The following STT3A variants were observed in gnomAD, a reference collection of about 807,000 sequenced individuals.
STT3A encodes STT3 oligosaccharyltransferase complex catalytic subunit A, also known as dolichyl-diphosphooligosaccharide--protein glycosyltransferase subunit STT3A.
A neutral mutation model predicts 89.2 loss-of-function variants in STT3A; 34 were observed. That is an observed-to-expected ratio of 0.38 (90% CI 0.29 to 0.51). STT3A has a LOEUF of 0.51. STT3A is among the 20% of genes least tolerant of loss of function. The pLI, the probability that STT3A is intolerant of heterozygous loss-of-function variation, is 0.89. For synonymous variants in STT3A, 282 were observed against 310.3 expected, an observed-to-expected ratio of 0.91 and a Z score of 0.96; for missense variants, 555 against 889.5, an observed-to-expected ratio of 0.62 and a Z score of 4.78.
chr11:125,605,804 G>T, intron 7 of STT3A, 69 bp downstream of exon 7: 1 of 1,348,130 alleles, frequency 7.4e-7, no homozygotes, highest in Non-Finnish European at 1.0e-6. Flanking sequence ...GGTACTTATT[G>T]TTTGACCAAC....
In STT3A at chr11:125,623,040, C is replaced by CA. The variant is rs1940391650; in HGVS notation, c.*2232dup. On this transcript the variant is annotated 3_prime_UTR_variant, in exon 18 of 18. Transcript: ENST00000392708. ...GAGCAGACATCATGCCACTGCACTC[C>CA]AACCTGGGAGACAGAGCAAGACTGT... 1.5e-5 allele frequency: 2 copies of CA among 132,834 alleles called. No individual in the cohort carries two copies. Among genetic ancestry groups the CA allele is most frequent in the South Asian group, 4.8e-4 (2 of 4,160 alleles). 8.2% of individuals were successfully genotyped at this position (132,834 alleles called of 1,614,324 possible).
intron 12 of STT3A, 70 bp downstream of exon 12, chr11:125,612,817 C>A: frequency 1.3e-6 from 2 of 1,568,872 alleles, no homozygotes; most frequent in Admixed American, 1.8e-5. Flanking sequence ...ATGTGGGCAG[C>A]GGGGGGTGGG....
At chr11:125,619,585 T>G (rs1940286020) in intron 16 of STT3A, among the ~76,000 whole-genome samples, 1 of 152,188 alleles carries the variant, frequency 6.6e-6, no homozygotes, top group African/African-American at 2.4e-5. Context: ...GAGAGTTATT[T>G]GATTAGGTTA....
At chr11:125,606,206 G>T in intron 7 of STT3A, 95 bp from the exon 8 acceptor site, 1 of 1,151,026 alleles carries the variant, frequency 8.7e-7, no homozygotes, top group Non-Finnish European at 1.2e-6. Context: ...TACTATAAGT[G>T]TTCTTTAAAG....
At chr11:125,608,657 G>A (rs764715244) in intron 9 of STT3A, among the ~76,000 whole-genome samples, 7 of 152,178 alleles carry the variant, frequency 4.6e-5, no homozygotes, top group Non-Finnish European at 8.8e-5. Context: ...AAATGCAGAT[G>A]GGTACAGACA....
intron 2 of STT3A, 129 bp from the exon 3 acceptor site, chr11:125,596,930 T>C: frequency 2.0e-6 from 2 of 1,017,626 alleles, no homozygotes; most frequent in Non-Finnish European, 2.9e-6. Flanking sequence ...GGATAAAGAC[T>C]TTATTCAGGG....
At chr11:125,611,315 G>A (rs184532601) in intron 10 of STT3A, 113 bp from the exon 11 acceptor site, 2 of 757,682 alleles carry the variant, frequency 2.6e-6, no homozygotes, top group African/African-American at 1.7e-5. Flanking sequence ...TCCTGGAAGT[G>A]GAATTGCTGG....
intron 3 of STT3A, 114 bp from the exon 4 acceptor site, chr11:125,602,189 A>G: frequency 2.4e-6 from 3 of 1,249,534 alleles, no homozygotes; most frequent in South Asian, 3.0e-5. Flanking sequence ...TTTTCATGGC[A>G]TAATATCTGA....
intron 8 of STT3A, 89 bp from the exon 9 acceptor site, chr11:125,608,020 G>A: frequency 7.2e-7 from 1 of 1,381,918 alleles, no homozygotes; most frequent in Non-Finnish European, 9.6e-7. Flanking sequence ...TGACCATTTG[G>A]TTTGAACTAG....
At chr11:125,618,874 A>G (rs1940258651) in intron 16 of STT3A, among the ~76,000 whole-genome samples, 2 of 151,650 alleles carry the variant, frequency 1.3e-5, no homozygotes, top group Admixed American at 6.6e-5. Flanking sequence ...AGCTGGGACT[A>G]AGGTGCACAC....
At chr11:125,596,065 T>G in intron 2 of STT3A, 62 bp downstream of exon 2, 1 of 1,277,262 alleles carries the variant, frequency 7.8e-7, no homozygotes, top group Non-Finnish European at 1.1e-6. Context: ...TAGAAAAAAA[T>G]TGAAAATCGC....
At chr11:125,596,112 A>G in intron 2 of STT3A, 109 bp downstream of exon 2, 1 of 855,202 alleles carries the variant, frequency 1.2e-6, no homozygotes. Context: ...GCAGATTGTT[A>G]CATTTTTCCA....
chr11:125,597,020 C>T (rs764109996), intron 2 of STT3A, 39 bp from the exon 3 acceptor site: 1 of 1,605,348 alleles, frequency 6.2e-7, no homozygotes, highest in Non-Finnish European at 8.5e-7. Context: ...TCTTTCATGG[C>T]ACATTACCAA....
chr11:125,607,339 A>G (rs1159575303), intron 8 of STT3A, among the ~76,000 whole-genome samples: 1 of 152,262 alleles, frequency 6.6e-6, no homozygotes, highest in Non-Finnish European at 1.5e-5. Context: ...TTATGGGGAT[A>G]TAACCCAATC....
chr11:125,620,217 G>C, intron 17 of STT3A, 91 bp downstream of exon 17: 9 of 1,017,410 alleles, frequency 8.8e-6, no homozygotes, highest in Non-Finnish European at 1.2e-5. Flanking sequence ...TTCTCAAATA[G>C]GGAAATTTCT....
intron 11 of STT3A, among the ~76,000 whole-genome samples, chr11:125,611,863 A>ATT (rs59685125): frequency 0.2 from 11,119 of 56,790 alleles, 2,858 homozygotes; most frequent in Admixed American, 0.25. Context: ...AGGGATTTGA[A>ATT]TTTTTTTTTT....
chr11:125,600,473 T>C (rs1591371853), intron 3 of STT3A, among the ~76,000 whole-genome samples: 1 of 152,058 alleles, frequency 6.6e-6, no homozygotes, highest in East Asian at 1.9e-4. Context: ...GTGATCCTCT[T>C]ATTTCAGCCT....
Position 125,618,367 on chromosome 11 carries a change from TCCTAGA to T in STT3A, c.1775-5_1775del. 6.4e-7 allele frequency: 1 copy of T among 1,571,572 alleles called. No homozygotes were observed. Among genetic ancestry groups the T allele is most frequent in the African/African-American group, 1.4e-5 (1 of 72,376 alleles). On this transcript the variant is annotated splice_acceptor_variant and splice_polypyrimidine_tract_variant and coding_sequence_variant and intron_variant, in exon 16 of 18. Transcript: ENST00000392708. LOFTEE classifies it high-confidence loss of function. ...TGCAGCAGTTCTTTTTTTTTTTTTC[TCCTAGA>T]TATCAACAAGTTTCTTTGGATGGTC...
chr11:125,605,352 A>G lies in STT3A; in HGVS notation c.509-277A>G, dbSNP rs116595871. On this transcript the variant is annotated intron_variant, in intron 6 of 17. Transcript: ENST00000392708. Reference sequence around the variant, plus strand: ...GCAGGATGTTTAGTGCTTGGAAAGAATGATAATAATGGCCAATATTTACTT... The same window carrying G: ...GCAGGATGTTTAGTGCTTGGAAAGAGTGATAATAATGGCCAATATTTACTT... 9.6e-3 allele frequency among the ~76,000 whole-genome samples: 1,468 copies of G among 152,302 alleles called. 26 individuals carry two copies. The highest frequency in any genetic ancestry group is 0.032 in the African/African-American group (1,317 of 41,548).
Sources: gnomAD v4.1 joint callset for allele counts (sites outside exome capture counted in the v4.1 genomes callset) on GRCh38, gnomAD v4.1.1 for gene constraint, MANE v1.5 for transcripts, NCBI Gene and HGNC (gene_info 2026-07-23, HGNC 2026-07-21) for gene names.